PCDHA3: variants seen among roughly 807,000 people sequenced by gnomAD.
PCDHA3 encodes protocadherin alpha 3.
PCDHA3 carries 41 observed loss-of-function variants against 62.2 expected under a neutral mutation model. The observed-to-expected ratio is 0.66, with a 90% confidence interval of 0.51 to 0.86. PCDHA3 has a LOEUF of 0.86. Among genes scored for constraint, PCDHA3 ranks in the 40% least tolerant of loss-of-function variants. PCDHA3 has a pLI of 0.00. For synonymous variants in PCDHA3, 640 were observed against 555.4 expected (o/e 1.15, Z -2.14); for missense variants, 1,304 against 1,241.2 (o/e 1.05, Z -0.76).
At chr5:140,886,257 T>C (rs1391638514) in intron 1 of PCDHA3, among the ~76,000 whole-genome samples, 38 of 152,026 alleles carry the variant, frequency 2.5e-4, no homozygotes, top group Admixed American at 2.5e-3. Context: ...AGTATCTCTA[T>C]TTATAGATAA....
At chr5:140,978,587 T>C (rs1260706970) in intron 1 of PCDHA3, among the ~76,000 whole-genome samples, 5 of 152,250 alleles carry the variant, frequency 3.3e-5, no homozygotes, top group Admixed American at 6.5e-5. Context: ...GAATGTTCCC[T>C]TAATGGGGCA....
intron 1 of PCDHA3, chr5:140,868,109 A>G (rs1371639409): frequency 6.6e-6 from 1 of 152,124 alleles, no homozygotes; most frequent in Non-Finnish European, 1.5e-5. Flanking sequence ...AATTTATTTT[A>G]TAGTTGAAAA....
At chr5:140,953,952 C>T (rs1025145135) in intron 1 of PCDHA3, among the ~76,000 whole-genome samples, 1 of 152,084 alleles carries the variant, frequency 6.6e-6, no homozygotes, top group Non-Finnish European at 1.5e-5. Context: ...GCTCCCCCAA[C>T]AGGCCCCAGT....
intron 1 of PCDHA3, chr5:140,803,869 A>C: frequency 1.8e-6 from 1 of 562,586 alleles, no homozygotes; most frequent in Non-Finnish European, 3.1e-6. Context: ...TATAAGACAA[A>C]TATTTTTTCT....
chr5:140,932,875 T>G (rs935730456), intron 1 of PCDHA3, among the ~76,000 whole-genome samples: 9 of 151,998 alleles, frequency 5.9e-5, no homozygotes, highest in African/African-American at 1.7e-4. Flanking sequence ...TTTGTTGTCT[T>G]CAATATTTTC....
chr5:140,804,924 G>T, intron 1 of PCDHA3: 18 of 987,120 alleles, frequency 1.8e-5, no homozygotes, highest in South Asian at 9.7e-5. Flanking sequence ...TCCTTTTTTG[G>T]CACTATCCTT....
intron 1 of PCDHA3, chr5:140,843,101 G>T (rs1778561024): frequency 1.3e-6 from 2 of 1,595,770 alleles, no homozygotes; most frequent in Non-Finnish European, 1.7e-6. Flanking sequence ...GGTAGCGAAG[G>T]TGCGCGCAGT....
At chr5:140,827,803 C>G (rs1054695243) in intron 1 of PCDHA3, among the ~76,000 whole-genome samples, 2 of 152,100 alleles carry the variant, frequency 1.3e-5, no homozygotes, top group Admixed American at 6.5e-5. Context: ...AAATTACAAA[C>G]GTGAGGAGGG....
In PCDHA3 at chr5:140,927,982, G is replaced by T. The variant is rs114786796; in HGVS notation, c.2395-50967G>T. 280 of 1,614,224 alleles carry T rather than the reference G, an allele frequency of 1.7e-4. No individual in the cohort carries two copies. The African/African-American group carries it at 3.0e-3, about 17-fold the overall frequency. On this transcript the variant is annotated intron_variant, in intron 1 of 3. Transcript: ENST00000522353. ...TGGCACAGTGATTGCTCTCTTTAGT[G>T]TAAAGGATGAAGACCTCGATTCTAA...
chr5:140,868,951 A>C (rs2050753987), intron 1 of PCDHA3: 1 of 1,321,466 alleles, frequency 7.6e-7, no homozygotes, highest in African/African-American at 1.5e-5. Context: ...ACAGTGAGGC[A>C]CTCCCATACA....
intron 1 of PCDHA3, chr5:140,862,594 A>G: frequency 2.0e-6 from 1 of 509,532 alleles, no homozygotes; most frequent in Non-Finnish European, 4.0e-6. Flanking sequence ...GCCCGAGTAC[A>G]TGGTGTTCGT....
chr5:140,925,208 T>C (rs1201764361), intron 1 of PCDHA3, among the ~76,000 whole-genome samples: 2 of 152,190 alleles, frequency 1.3e-5, no homozygotes, highest in African/African-American at 4.8e-5. Context: ...TAATTATCGA[T>C]ACTTTTAGGC....
chr5:140,875,629 G>A, intron 1 of PCDHA3: 1 of 1,613,758 alleles, frequency 6.2e-7, no homozygotes, highest in Non-Finnish European at 8.5e-7. Flanking sequence ...TCAGGACCTG[G>A]GGCTGGAGCT....
At chr5:140,848,269 G>T in intron 1 of PCDHA3, 1 of 502,308 alleles carries the variant, frequency 2.0e-6, no homozygotes, top group Non-Finnish European at 3.5e-6. Context: ...TTTTATTCAT[G>T]AAATATGTAC....
chr5:140,991,253 C>T (rs912017745), intron 3 of PCDHA3, among the ~76,000 whole-genome samples: 1 of 152,178 alleles, frequency 6.6e-6, no homozygotes, highest in East Asian at 1.9e-4. Context: ...AGTATTTGAA[C>T]TCATGTCTGC....
chr5:140,886,841 A>AG (rs1432829346), intron 1 of PCDHA3, among the ~76,000 whole-genome samples: 1 of 151,546 alleles, frequency 6.6e-6, no homozygotes, highest in Non-Finnish European at 1.5e-5. Flanking sequence ...AAAAAAAAAA[A>AG]AAAAAAGAAA....
At chr5:140,902,540 C>T (rs2069538388) in intron 1 of PCDHA3, among the ~76,000 whole-genome samples, 1 of 151,900 alleles carries the variant, frequency 6.6e-6, no homozygotes, top group South Asian at 2.1e-4. Context: ...GAGGTATGTT[C>T]CTTCTATACC....
At chr5:140,850,915 T>G (rs2041875502) in intron 1 of PCDHA3, 1 of 1,529,718 alleles carries the variant, frequency 6.5e-7, no homozygotes. Flanking sequence ...ATTTTATTTA[T>G]TTATATAATT....
chr5:140,869,210 C>T (rs781978731), intron 1 of PCDHA3: 2 of 1,613,814 alleles, frequency 1.2e-6, no homozygotes, highest in African/African-American at 2.7e-5. Context: ...TACTCCGTCT[C>T]GGAGGAGGCC....
Sources: allele counts gnomAD v4.1 joint callset (sites outside exome capture counted in the v4.1 genomes callset), GRCh38; gene constraint gnomAD v4.1.1; transcripts MANE v1.5; gene names NCBI Gene and HGNC (gene_info 2026-07-23, HGNC 2026-07-21).